Variants in PPARA observed in about 807,000 individuals in gnomAD.
The protein encoded by PPARA is peroxisome proliferator-activated receptor alpha.
A neutral mutation model predicts 42.2 loss-of-function variants in PPARA; 22 were observed. The observed-to-expected ratio is 0.52, with a 90% confidence interval of 0.37 to 0.74. The LOEUF is 0.74. Among genes scored for constraint, PPARA ranks in the 30% least tolerant of loss-of-function variants. The probability of loss-of-function intolerance (pLI) is 0.00; values close to 1 mark genes in which losing one functional copy is unlikely to be tolerated. For missense variants in PPARA, 465 were observed against 608.2 expected (o/e 0.76, Z 2.48); for synonymous variants, 242 against 239.3 (o/e 1.01, Z -0.10).
At position 46,180,942 on chromosome 22, in the gene PPARA, C is replaced by T. The variant is rs148950677; in HGVS notation, c.-43+4106C>T. The stretch of plus-strand genomic sequence containing the variant: ...AAAGGAGATTGGCTCTCCTGCATCC[C>T]GGTGTCCTTCCTAGACAGCACAACG... On this transcript the variant is annotated intron_variant, in intron 3 of 8. Transcript: ENST00000407236. This position sits in a 1 kb window ranked among gnomAD's most constrained non-coding sequence, Gnocchi z 4.2. 1.9e-4 allele frequency among the ~76,000 whole-genome samples: 29 copies of T among 152,228 alleles called. No individual in the cohort carries two copies. Among genetic ancestry groups the T allele is most frequent in the African/African-American group, 5.8e-4 (24 of 41,552 alleles).
intron 3 of PPARA, among the ~76,000 whole-genome samples, chr22:46,198,139 G>C (rs2147381398): frequency 6.7e-6 from 1 of 148,684 alleles, no homozygotes; most frequent in Non-Finnish European, 1.5e-5. Flanking sequence ...TCAGGAGACT[G>C]AGGCAGGAGA....
chr22:46,228,127 C>G (rs1323184951), intron 7 of PPARA, among the ~76,000 whole-genome samples: 1 of 152,194 alleles, frequency 6.6e-6, no homozygotes, highest in Non-Finnish European at 1.5e-5. Flanking sequence ...AGAACTAGTC[C>G]ACGGTGAGCC....
intron 3 of PPARA, among the ~76,000 whole-genome samples, chr22:46,185,895 C>CA (rs1162861606): frequency 1.4e-3 from 27 of 19,682 alleles, no homozygotes; most frequent in African/African-American, 1.5e-3. Context: ...ACTCCGTCTC[C>CA]AAAAAAAAAA....
At position 46,198,590 on chromosome 22, in the gene PPARA, G is replaced by T; in HGVS notation, c.207G>T (p.Thr69=). Residue 69 remains threonine, a splice_region_variant and synonymous_variant, in exon 4 of 9, where the codon ACG becomes ACT. Coordinates refer to ENST00000407236, the MANE Select transcript of PPARA (RefSeq NM_005036.6). The part of the protein sequence containing the change: ...SCPGSDGSVI[T]DTLSPASSPS... ...CTGGCTCAGATGGCTCGGTCATCACGGGTAAGTGTGCCGTTTCCTAGAAAG... is the reference window on the plus strand; with the variant it reads ...CTGGCTCAGATGGCTCGGTCATCACTGGTAAGTGTGCCGTTTCCTAGAAAG... The T allele has an allele frequency of 1.2e-6, 2 of 1,613,488 alleles. No homozygotes were observed. The highest frequency in any genetic ancestry group is 1.1e-5 in the South Asian group (1 of 91,046).
chr22:46,156,842 T>C lies in PPARA; in HGVS notation c.-127+4872T>C, dbSNP rs1020605461. 1.3e-5 allele frequency among the ~76,000 whole-genome samples: 2 copies of C among 152,204 alleles called. No homozygotes were observed. The highest frequency in any genetic ancestry group is 2.9e-5 in the Non-Finnish European group (2 of 68,036). ...GTTTTGAACTTCTGACCTCAGGTGA[T>C]CCACCTGCTTCAGCCTCCCAAAGTC... is the stretch of plus-strand genomic sequence containing the variant. On this transcript the variant is annotated intron_variant, in intron 2 of 8. Transcript: ENST00000407236. The surrounding 1 kb of genome is among the most constrained non-coding windows in gnomAD (Gnocchi z 5.2).
In PPARA at chr22:46,193,136, G is replaced by A. The variant is rs1395330168; in HGVS notation, c.-42-5206G>A. Reference sequence around the variant, plus strand: ...GGCTGGAGTGCAGTGGCATGATCTCGGCTCACTGCAACCTCCACCTCCTGG... The same window carrying A: ...GGCTGGAGTGCAGTGGCATGATCTCAGCTCACTGCAACCTCCACCTCCTGG... On this transcript the variant is annotated intron_variant, in intron 3 of 8. Transcript: ENST00000407236. This position sits in a 1 kb window ranked among gnomAD's most constrained non-coding sequence, Gnocchi z 5.3. Among the ~76,000 whole-genome samples the A allele has an allele frequency of 1.3e-5, 2 of 152,042 alleles. No homozygotes were observed. Among genetic ancestry groups the A allele is most frequent in the South Asian group, 2.1e-4 (1 of 4,828 alleles).
At position 46,176,853 on chromosome 22, in the gene PPARA, G is replaced by A. The variant is rs1387336020; in HGVS notation, c.-43+17G>A. ...AGATAAGAGGTACATACACGTTTAG[G>A]AGCATCGTGTCTTCCTGGTGGATGA... On this transcript the variant is annotated intron_variant, in intron 3 of 8. Transcript: ENST00000407236. 2 of 152,376 alleles carry A rather than the reference G, an allele frequency of 1.3e-5. No individual in the cohort carries two copies. The highest frequency in any genetic ancestry group is 4.8e-5 in the African/African-American group (2 of 41,584). 9.4% of individuals were successfully genotyped at this position (152,376 alleles called of 1,614,324 possible). A position where few individuals can be genotyped will look rare whatever the true frequency, so the allele number is the denominator to read the frequency against.
rs1487444714 is a variant in PPARA at position 46,171,120 on chromosome 22, C to T, written c.-126-5633C>T. 6.6e-6 allele frequency among the ~76,000 whole-genome samples: 1 copy of T among 151,870 alleles called. No homozygotes were observed. The highest frequency in any genetic ancestry group is 3.2e-3 in the Middle Eastern group (1 of 316). The stretch of plus-strand genomic sequence containing the variant: ...AGATCGCAGTGAGCCAAGACTGCGC[C>T]ACTGCACTCCAGCCTGGGCAACAGA... On this transcript the variant is annotated intron_variant, in intron 2 of 8. Coordinates refer to ENST00000407236, the MANE Select transcript of PPARA (RefSeq NM_005036.6). The surrounding 1 kb of genome is among the most constrained non-coding windows in gnomAD (Gnocchi z 5.0).
At position 46,224,932 on chromosome 22, in the gene PPARA, C is replaced by T. The variant is rs1006683817; in HGVS notation, c.711+4918C>T. On this transcript the variant is annotated intron_variant, in intron 7 of 8. Transcript: ENST00000407236. This position sits in a 1 kb window ranked among gnomAD's most constrained non-coding sequence, Gnocchi z 5.7. ...AGCTCGTGGCCTTCAGATCAGATGA[C>T]GCAAAGCCCCATGGCTGAGCTGGAA... 4.1e-5 allele frequency among the ~76,000 whole-genome samples: 6 copies of T among 147,332 alleles called. No individual in the cohort carries two copies. The highest frequency in any genetic ancestry group is 5.9e-5 in the Non-Finnish European group (4 of 67,460).
At chr22:46,185,894 CCAAA>C (rs1267259193) in intron 3 of PPARA, among the ~76,000 whole-genome samples, 15 of 20,864 alleles carry the variant, frequency 7.2e-4, no homozygotes, top group African/African-American at 2.2e-3. Flanking sequence ...GACTCCGTCT[CCAAA>C]AAAAAAAAAA....
In PPARA at chr22:46,180,870, G is replaced by A. The variant is rs1929854362; in HGVS notation, c.-43+4034G>A. On this transcript the variant is annotated intron_variant, in intron 3 of 8. Transcript: ENST00000407236. This position sits in a 1 kb window ranked among gnomAD's most constrained non-coding sequence, Gnocchi z 4.2. ...TGCCTGTGGAACTGGAGCCCGGGTC[G>A]AGGGAGACCTGGGACCTTTGGTGCC... Among the ~76,000 whole-genome samples the A allele has an allele frequency of 6.6e-6, 1 of 152,168 alleles. No individual in the cohort carries two copies. The highest frequency in any genetic ancestry group is 1.5e-5 in the Non-Finnish European group (1 of 68,032).
At chr22:46,152,412 C>T (rs1395330047) in intron 2 of PPARA, among the ~76,000 whole-genome samples, 10 of 152,098 alleles carry the variant, frequency 6.6e-5, no homozygotes, top group African/African-American at 4.8e-5. Flanking sequence ...GGATTACAGA[C>T]GTGAGCCACC....
intron 2 of PPARA, among the ~76,000 whole-genome samples, chr22:46,169,092 A>G (rs915467026): frequency 2.0e-5 from 3 of 151,872 alleles, no homozygotes; most frequent in Non-Finnish European, 2.9e-5. Context: ...ACTATTCTGT[A>G]TGGTACCGTA....
chr22:46,191,485 GTT>G lies in PPARA; in HGVS notation c.-42-6842_-42-6841del, dbSNP rs56838159. On this transcript the variant is annotated intron_variant, in intron 3 of 8. Coordinates refer to ENST00000407236, the MANE Select transcript of PPARA (RefSeq NM_005036.6). The surrounding 1 kb of genome is among the most constrained non-coding windows in gnomAD (Gnocchi z 4.6). ...GTTCCTCCCTATTGTGTTCAGTATG[GTT>G]TTTTTTTTTTTTTTCCTTTTGCTGG... Among the ~76,000 whole-genome samples the G allele has an allele frequency of 0.011, 1,461 of 137,404 alleles. 19 individuals carry two copies. The highest frequency in any genetic ancestry group is 0.036 in the African/African-American group (1,378 of 38,058). 90.1% of individuals were successfully genotyped at this position (137,404 alleles called of 152,430 possible).
chr22:46,158,160 G>A (rs1925602442), intron 2 of PPARA, among the ~76,000 whole-genome samples: 1 of 152,032 alleles, frequency 6.6e-6, no homozygotes, highest in Non-Finnish European at 1.5e-5. Flanking sequence ...TGTAATCCCA[G>A]CACTTTGGGA....
At chr22:46,159,926 C>T (rs1925900097) in intron 2 of PPARA, among the ~76,000 whole-genome samples, 1 of 152,202 alleles carries the variant, frequency 6.6e-6, no homozygotes, top group Non-Finnish European at 1.5e-5. Context: ...TCCTCCGAAG[C>T]CAAGAGAGAG....
rs575161248 is a variant in PPARA at position 46,180,869 on chromosome 22, C to T, written c.-43+4033C>T. Among the ~76,000 whole-genome samples, 13 of 152,264 alleles carry T rather than the reference C, an allele frequency of 8.5e-5. No homozygotes were observed. The highest frequency in any genetic ancestry group is 3.9e-4 in the East Asian group (2 of 5,182). ...TTGCCTGTGGAACTGGAGCCCGGGT[C>T]GAGGGAGACCTGGGACCTTTGGTGC... On this transcript the variant is annotated intron_variant, in intron 3 of 8. Coordinates refer to ENST00000407236, the MANE Select transcript of PPARA (RefSeq NM_005036.6). The surrounding 1 kb of genome is among the most constrained non-coding windows in gnomAD (Gnocchi z 4.2).
chr22:46,198,154 T>C (rs1453282907), intron 3 of PPARA, among the ~76,000 whole-genome samples, 188 bp from the exon 4 acceptor site: 20 of 136,778 alleles, frequency 1.5e-4, no homozygotes, highest in African/African-American at 4.7e-4. Flanking sequence ...AGGAGAATGG[T>C]GTGAACCCGG....
At position 46,232,977 on chromosome 22, in the gene PPARA, G is replaced by A. The variant is rs1213986832; in HGVS notation, c.1159+738G>A. 4.3e-5 allele frequency among the ~76,000 whole-genome samples: 4 copies of A among 93,944 alleles called. No individual in the cohort carries two copies. In the South Asian group the frequency reaches 8.1e-4, roughly 19 times the overall value. 61.6% of individuals were successfully genotyped at this position (93,944 alleles called of 152,430 possible). On this transcript the variant is annotated intron_variant, in intron 8 of 8. Coordinates refer to ENST00000407236, the MANE Select transcript of PPARA (RefSeq NM_005036.6). This position sits in a 1 kb window ranked among gnomAD's most constrained non-coding sequence, Gnocchi z 5.3. ...AGCCTGGGCGACGAAGAATGACCCTGTCTCAAAAAAAAAAAAAAAAAAAAT... is the reference window on the plus strand; with the variant it reads ...AGCCTGGGCGACGAAGAATGACCCTATCTCAAAAAAAAAAAAAAAAAAAAT...
Sources: gnomAD v4.1 joint callset for allele counts (sites outside exome capture counted in the v4.1 genomes callset) on GRCh38, gnomAD v4.1.1 for gene constraint, Gnocchi (gnomAD v3.1) non-coding constraint, MANE v1.5 for transcripts, NCBI Gene and HGNC (gene_info 2026-07-23, HGNC 2026-07-21) for gene names.